The following SDK2 variants were observed in gnomAD, a reference collection of about 807,000 sequenced individuals.
SDK2 encodes the protein sidekick cell adhesion molecule 2.
Under a neutral mutation model 253.9 loss-of-function variants are expected in SDK2, and 105 were observed. The ratio of observed to expected loss-of-function variants is 0.41; its 90% confidence interval spans 0.35 to 0.49. SDK2 has a LOEUF of 0.49. Among genes scored for constraint, SDK2 ranks in the 20% least tolerant of loss-of-function variants. The probability of loss-of-function intolerance (pLI) is 0.06; values close to 1 mark genes in which losing one functional copy is unlikely to be tolerated. For synonymous variants in SDK2, 1,249 were observed against 1,234.9 expected, an observed-to-expected ratio of 1.01 and a Z score of -0.24; for missense variants, 2,608 against 3,003.0, an observed-to-expected ratio of 0.87 and a Z score of 3.07.
Position 73,394,292 on chromosome 17 carries a change from G to A in SDK2, c.3625C>T (p.Leu1209=). ...AGCATGCTGCTGGAGGTGGTGGCCA[G>A]TGCAGACACATTGGTGGGGCCGGAA... ...PSSGPTNVSA[L]ATTSSSMLVR... The change falls in exon 26 of 45, where the codon CTG becomes TTG. Residue 1209 remains leucine, a synonymous_variant. Coordinates refer to ENST00000392650, the MANE Select transcript of SDK2 (RefSeq NM_001144952.2). 2 of 1,599,968 alleles carry A rather than the reference G, an allele frequency of 1.3e-6. No individual in the cohort carries two copies. Among genetic ancestry groups the A allele is most frequent in the South Asian group, 1.1e-5 (1 of 88,984 alleles).
chr17:73,460,414 T>C (rs967433157), intron 3 of SDK2, among the ~76,000 whole-genome samples: 6 of 152,332 alleles, frequency 3.9e-5, no homozygotes, highest in African/African-American at 9.6e-5. Context: ...TGCTATTCTC[T>C]GTCCAGATTC....
intron 30 of SDK2, among the ~76,000 whole-genome samples, chr17:73,386,948 G>C (rs1233988827): frequency 6.6e-6 from 1 of 151,544 alleles, no homozygotes; most frequent in African/African-American, 2.4e-5. Context: ...CTTTTTTTTT[G>C]TTTGAGATGG....
intron 1 of SDK2, among the ~76,000 whole-genome samples, chr17:73,515,293 CA>C (rs1408102917): frequency 1.3e-5 from 2 of 152,112 alleles, no homozygotes; most frequent in African/African-American, 4.8e-5. Flanking sequence ...CCTGTAGCAC[CA>C]GGGGTGGTGA....
intron 1 of SDK2, among the ~76,000 whole-genome samples, chr17:73,531,929 C>G (rs1176262091): frequency 1.3e-5 from 2 of 152,172 alleles, no homozygotes; most frequent in African/African-American, 4.8e-5. Flanking sequence ...TGGACACTGC[C>G]AGTCTAGCCC....
chr17:73,635,205 C>A (rs1267994676), intron 1 of SDK2, among the ~76,000 whole-genome samples: 1 of 152,126 alleles, frequency 6.6e-6, no homozygotes, highest in Non-Finnish European at 1.5e-5. Context: ...CCAGGCTGGT[C>A]TTGAACGCCT....
rs2063364671 is a variant in SDK2, at chr17:73,435,915, T to C, written c.1001-271A>G. On this transcript the variant is annotated intron_variant, in intron 8 of 44. Transcript: ENST00000392650. The surrounding 1 kb of genome is among the most constrained non-coding windows in gnomAD (Gnocchi z 5.7). ...ATTGGACAAACTAATTTATTTATTC[T>C]ATTTTTTATTTCTATTTGTGTAGAG... is the stretch of plus-strand genomic sequence containing the variant. Among the ~76,000 whole-genome samples the C allele has an allele frequency of 6.6e-6, 1 of 152,206 alleles. No homozygotes were observed. The highest frequency in any genetic ancestry group is 2.1e-4 in the South Asian group (1 of 4,834).
chr17:73,466,997 G>A (rs2145684389), intron 3 of SDK2, among the ~76,000 whole-genome samples: 1 of 152,176 alleles, frequency 6.6e-6, no homozygotes, highest in South Asian at 2.1e-4. Flanking sequence ...CAGGCACAAG[G>A]GCCATGCCTG....
chr17:73,588,124 G>A (rs1279722065), intron 1 of SDK2, among the ~76,000 whole-genome samples: 1 of 151,846 alleles, frequency 6.6e-6, no homozygotes, highest in Non-Finnish European at 1.5e-5. Flanking sequence ...TGTAATCCCA[G>A]CACTTTGGGA....
At chr17:73,591,497 C>T (rs754121830) in intron 1 of SDK2, among the ~76,000 whole-genome samples, 3 of 152,190 alleles carry the variant, frequency 2.0e-5, no homozygotes, top group Non-Finnish European at 4.4e-5. Context: ...TGTTCGGTTA[C>T]ACTTGAACTT....
chr17:73,377,072 C>T (rs1300997089), intron 36 of SDK2, among the ~76,000 whole-genome samples: 1 of 152,174 alleles, frequency 6.6e-6, no homozygotes, highest in Non-Finnish European at 1.5e-5. Context: ...CTACTCCCCA[C>T]TTAAGCCATG....
chr17:73,476,607 C>T (rs1260130290), intron 2 of SDK2, among the ~76,000 whole-genome samples: 2 of 152,080 alleles, frequency 1.3e-5, no homozygotes, highest in Non-Finnish European at 2.9e-5. Context: ...AATAAAAGCC[C>T]ATTTCTTTTT....
intron 1 of SDK2, among the ~76,000 whole-genome samples, chr17:73,509,558 G>A (rs577608383): frequency 6.6e-6 from 1 of 151,684 alleles, no homozygotes; most frequent in Admixed American, 6.6e-5. Context: ...GGGAGGCCGA[G>A]GTGGGAGGAT....
At chr17:73,358,021 C>T (rs1310240954) in intron 40 of SDK2, 58 bp downstream of exon 40, 3 of 1,609,074 alleles carry the variant, frequency 1.9e-6, no homozygotes, top group Non-Finnish European at 2.5e-6. Flanking sequence ...AGTGGAGGGA[C>T]CCAGGAAGAA....
At chr17:73,369,361 A>G (rs1301424999) in intron 36 of SDK2, 1 of 270,394 alleles carries the variant, frequency 3.7e-6, no homozygotes, top group Non-Finnish European at 7.8e-6. Context: ...CTGCACCAGC[A>G]GCTGCTGGTT....
chr17:73,622,613 G>C (rs2046147456), intron 1 of SDK2, among the ~76,000 whole-genome samples: 2 of 152,202 alleles, frequency 1.3e-5, no homozygotes, highest in Non-Finnish European at 1.5e-5. Flanking sequence ...GGAGTGATTT[G>C]CAAAGGGTAC....
At chr17:73,533,809 C>G (rs1337560840) in intron 1 of SDK2, among the ~76,000 whole-genome samples, 1 of 152,128 alleles carries the variant, frequency 6.6e-6, no homozygotes, top group African/African-American at 2.4e-5. Context: ...CCTCCAGCTC[C>G]TTCAAGGAAG....
Position 73,352,727 on chromosome 17 carries a change from C to A in SDK2, c.5594-90G>T. On this transcript the variant is annotated intron_variant, in intron 40 of 44. Transcript: ENST00000392650. This position sits in a 1 kb window ranked among gnomAD's most constrained non-coding sequence, Gnocchi z 4.1. ...CCGTTCTGACTATGCTCCCTGAGGGCTGGGCCTGTTGGATCCTCCCTGCTC... is the reference window on the plus strand; with the variant it reads ...CCGTTCTGACTATGCTCCCTGAGGGATGGGCCTGTTGGATCCTCCCTGCTC... 2 of 1,377,612 alleles carry A rather than the reference C, an allele frequency of 1.5e-6. No individual in the cohort carries two copies. The highest frequency in any genetic ancestry group is 2.0e-6 in the Non-Finnish European group (2 of 991,066). 85.3% of individuals were successfully genotyped at this position (1,377,612 alleles called of 1,614,324 possible). A position where few individuals can be genotyped will look rare whatever the true frequency, so the allele number is the denominator to read the frequency against.
intron 1 of SDK2, 114 bp from the exon 2 acceptor site, chr17:73,507,711 G>T: frequency 8.5e-7 from 1 of 1,170,172 alleles, no homozygotes. Context: ...CAGGTAATTT[G>T]CCCAAGGTCC....
chr17:73,589,139 T>C (rs1239827316), intron 1 of SDK2, among the ~76,000 whole-genome samples: 2 of 152,274 alleles, frequency 1.3e-5, no homozygotes, highest in Non-Finnish European at 2.9e-5. Flanking sequence ...CTCAGTCTAG[T>C]CAGTGGCTAC....
Sources: allele counts gnomAD v4.1 joint callset (sites outside exome capture counted in the v4.1 genomes callset), GRCh38; gene constraint gnomAD v4.1.1; non-coding constraint Gnocchi (gnomAD v3.1); transcripts MANE v1.5; gene names NCBI Gene and HGNC (gene_info 2026-07-23, HGNC 2026-07-21).